NCOA1: variants seen among roughly 807,000 people sequenced by gnomAD.
NCOA1 encodes nuclear receptor coactivator 1, also known as Hin-2 protein.
NCOA1 carries 35 observed loss-of-function variants against 150.9 expected under a neutral mutation model. That is an observed-to-expected ratio of 0.23 (90% CI 0.18 to 0.31). NCOA1 has a LOEUF of 0.31. NCOA1 is among the 10% of genes least tolerant of loss of function. The probability of loss-of-function intolerance (pLI) is 1.00; values close to 1 mark genes in which losing one functional copy is unlikely to be tolerated. For missense variants in NCOA1, 1,491 were observed against 1,749.3 expected (o/e 0.85, Z 2.63); for synonymous variants, 590 against 630.0 (o/e 0.94, Z 0.95).
intron 1 of NCOA1, among the ~76,000 whole-genome samples, chr2:24,495,074 T>A (rs1663141946): frequency 6.6e-6 from 1 of 151,776 alleles, no homozygotes; most frequent in Admixed American, 6.6e-5. Flanking sequence ...TTGCTTCATT[T>A]CATAAGGAGA....
intron 1 of NCOA1, among the ~76,000 whole-genome samples, chr2:24,526,120 T>A (rs1664641110): frequency 6.6e-6 from 1 of 152,188 alleles, no homozygotes; most frequent in South Asian, 2.1e-4. Context: ...CTTTTGGAAA[T>A]CCTTATGGAT....
chr2:24,566,092 T>A (rs1666494364), intron 2 of NCOA1, among the ~76,000 whole-genome samples: 1 of 152,220 alleles, frequency 6.6e-6, no homozygotes, highest in Non-Finnish European at 1.5e-5. Flanking sequence ...TCCTGCCATT[T>A]GATATGTCCC....
At chr2:24,596,386 T>C (rs927321085) in intron 3 of NCOA1, among the ~76,000 whole-genome samples, 7 of 152,172 alleles carry the variant, frequency 4.6e-5, no homozygotes, top group African/African-American at 1.7e-4. Context: ...CATACAGTAA[T>C]ACTGACAGCA....
At chr2:24,766,608 G>A (rs1035214387) in intron 22 of NCOA1, among the ~76,000 whole-genome samples, 3 of 152,042 alleles carry the variant, frequency 2.0e-5, no homozygotes, top group African/African-American at 7.2e-5. Context: ...ATGGGGAGGA[G>A]GTAAGACAGG....
chr2:24,668,834 T>G (rs1171449282), intron 6 of NCOA1, among the ~76,000 whole-genome samples: 1 of 151,790 alleles, frequency 6.6e-6, no homozygotes, highest in East Asian at 1.9e-4. Context: ...GAGTATCTGC[T>G]AACTGACTGA....
chr2:24,654,527 C>T (rs1438203265), intron 4 of NCOA1, among the ~76,000 whole-genome samples: 2 of 152,104 alleles, frequency 1.3e-5, no homozygotes, highest in African/African-American at 4.8e-5. Context: ...TACCAAATTA[C>T]TAAGATGAGA....
At chr2:24,531,727 A>G (rs1280836478) in intron 1 of NCOA1, among the ~76,000 whole-genome samples, 1 of 152,004 alleles carries the variant, frequency 6.6e-6, no homozygotes, top group Non-Finnish European at 1.5e-5. Context: ...TGCCCATGTG[A>G]TAGTTTGCTG....
chr2:24,498,268 T>C (rs1238488722), intron 1 of NCOA1, among the ~76,000 whole-genome samples: 1 of 152,248 alleles, frequency 6.6e-6, no homozygotes, highest in East Asian at 1.9e-4. Context: ...GACGTAGTTA[T>C]ATGAGTACGT....
chr2:24,667,279 T>A (rs1182212061), intron 6 of NCOA1, among the ~76,000 whole-genome samples: 1 of 152,136 alleles, frequency 6.6e-6, no homozygotes, highest in Non-Finnish European at 1.5e-5. Flanking sequence ...GCCTGGCTCC[T>A]ACTCCCTAAA....
intron 2 of NCOA1, among the ~76,000 whole-genome samples, chr2:24,570,597 C>G (rs576922087): frequency 6.6e-6 from 1 of 152,258 alleles, no homozygotes; most frequent in African/African-American, 2.4e-5. Flanking sequence ...ATTCCTGAAC[C>G]TAAGCAAAGA....
intron 19 of NCOA1, among the ~76,000 whole-genome samples, chr2:24,747,242 A>G (rs1475699594): frequency 6.7e-6 from 1 of 149,584 alleles, no homozygotes; most frequent in Non-Finnish European, 1.5e-5. Flanking sequence ...TCTCTTATTT[A>G]TTGTTTACTG....
intron 1 of NCOA1, among the ~76,000 whole-genome samples, chr2:24,527,780 A>T (rs1023135673): frequency 6.6e-6 from 1 of 152,284 alleles, no homozygotes; most frequent in Non-Finnish European, 1.5e-5. Flanking sequence ...CACATTTCCT[A>T]CCAACAATGT....
At chr2:24,710,883 G>A in intron 13 of NCOA1, 48 bp from the exon 14 acceptor site, 1 of 1,569,074 alleles carries the variant, frequency 6.4e-7, no homozygotes, top group Non-Finnish European at 8.7e-7. Context: ...CGTTGTTTCA[G>A]GTGAAAGTGT....
At chr2:24,640,550 A>G (rs1304529216) in intron 3 of NCOA1, among the ~76,000 whole-genome samples, 3 of 152,142 alleles carry the variant, frequency 2.0e-5, no homozygotes, top group Non-Finnish European at 4.4e-5. Flanking sequence ...GCTCACATCT[A>G]TCATCCTAGC....
At chr2:24,728,187 A>C (rs1319825460) in intron 15 of NCOA1, 121 bp from the exon 16 acceptor site, 1 of 702,678 alleles carries the variant, frequency 1.4e-6, no homozygotes, top group Non-Finnish European at 2.2e-6. Context: ...TGGCATTAGA[A>C]TTGCCAAGCA....
Position 24,707,873 on chromosome 2 carries a change from G to A in NCOA1, c.2403G>A (p.Leu801=). Residue 801 remains leucine (L), a synonymous_variant, in exon 13 of 23, where the codon CTG becomes CTA. Transcript: ENST00000348332. Reference sequence around the variant, plus strand: ...AACCCACTCCTGAGGAAATAAAACTGGAGGCCCAGAGCCAGGTGGGTAACT... The same window carrying A: ...AACCCACTCCTGAGGAAATAAAACTAGAGGCCCAGAGCCAGGTGGGTAACT... ...MTKPTPEEIK[L]EAQSQFTADL... 1 of 1,590,220 alleles carries A rather than the reference G, an allele frequency of 6.3e-7. No individual in the cohort carries two copies. The highest frequency in any genetic ancestry group is 8.5e-7 in the Non-Finnish European group (1 of 1,172,560).
intron 1 of NCOA1, among the ~76,000 whole-genome samples, chr2:24,501,970 A>G (rs1307236817): frequency 6.6e-6 from 1 of 152,192 alleles, no homozygotes; most frequent in Admixed American, 6.5e-5. Flanking sequence ...CTAGATGTGC[A>G]GTCTGTTTTT....
intron 1 of NCOA1, among the ~76,000 whole-genome samples, chr2:24,501,133 A>G (rs938266979): frequency 4.6e-5 from 7 of 152,238 alleles, no homozygotes; most frequent in Non-Finnish European, 7.3e-5. Context: ...GAAATGCACT[A>G]GCTGAATTTT....
chr2:24,551,602 T>A (rs896170827), intron 1 of NCOA1, among the ~76,000 whole-genome samples: 1 of 152,222 alleles, frequency 6.6e-6, no homozygotes, highest in Non-Finnish European at 1.5e-5. Flanking sequence ...TATTTGAATA[T>A]AGCTGTGAAC....
Sources: allele counts gnomAD v4.1 joint callset (sites outside exome capture counted in the v4.1 genomes callset), GRCh38; gene constraint gnomAD v4.1.1; transcripts MANE v1.5; gene names NCBI Gene and HGNC (gene_info 2026-07-23, HGNC 2026-07-21).